The following NAA40 variants were observed in gnomAD, a reference collection of about 807,000 sequenced individuals.
The protein encoded by NAA40 is N-alpha-acetyltransferase 40.
In NAA40, 26 loss-of-function variants were observed where a neutral mutation model predicts 36.6. The observed-to-expected ratio is 0.71, with a 90% CI of 0.52 to 0.98. NAA40 has a LOEUF of 0.98. Ranked by LOEUF, NAA40 falls within the 50% of genes least tolerant of loss-of-function variation. NAA40 has a pLI of 0.00. For missense variants in NAA40, 237 were observed against 306.5 expected, an observed-to-expected ratio of 0.77 and a Z score of 1.69; for synonymous variants, 129 against 108.4, an observed-to-expected ratio of 1.19 and a Z score of -1.18.
intron 3 of NAA40, 94 bp downstream of exon 3, chr11:63,947,097 A>C: frequency 1.3e-4 from 175 of 1,329,042 alleles, no homozygotes; most frequent in Non-Finnish European, 1.8e-4. Context: ...AAATTTTCTC[A>C]TTGTTCTTCG....
At chr11:63,946,639 G>T in intron 2 of NAA40, 1 of 1,357,076 alleles carries the variant, frequency 7.4e-7, no homozygotes, top group Non-Finnish European at 9.6e-7. Flanking sequence ...GTGTGCAGCA[G>T]ATCAGGTAGC....
In NAA40 at chr11:63,957,054, A is replaced by AT. The variant is rs1205009189; in HGVS notation, c.*2582dup. 1 of 151,296 alleles carries AT rather than the reference A, an allele frequency of 6.6e-6. No individual in the cohort carries two copies. Among genetic ancestry groups the AT allele is most frequent in the Admixed American group, 6.6e-5 (1 of 15,188 alleles). The allele number at this position is 151,296 out of a possible 1,614,324, so 9.4% of individuals were successfully genotyped here. ...GTTTGTTTGTTTGGAGCATGTTAAG[A>AT]TTTTTTTAAGATTTTTAAAATTTTA... is the stretch of plus-strand genomic sequence containing the variant. On this transcript the variant is annotated 3_prime_UTR_variant, in exon 8 of 8. Transcript: ENST00000377793.
At chr11:63,952,217 C>T (rs755320588) in intron 3 of NAA40, 21 bp from the exon 4 acceptor site, 2 of 1,578,474 alleles carry the variant, frequency 1.3e-6, no homozygotes, top group Non-Finnish European at 1.7e-6. Context: ...CAATTCCGTA[C>T]ACGTCCTGTC....
At chr11:63,943,922 G>C (rs1942145828) in intron 1 of NAA40, among the ~76,000 whole-genome samples, 1 of 152,238 alleles carries the variant, frequency 6.6e-6, no homozygotes, top group African/African-American at 2.4e-5. Flanking sequence ...GTCCATGGTA[G>C]AGGGAGGCTA....
intron 2 of NAA40, chr11:63,946,565 T>C: frequency 2.5e-6 from 3 of 1,197,644 alleles, no homozygotes; most frequent in East Asian, 5.2e-5. Context: ...TAGTAAACAC[T>C]CATTTATAAG....
At chr11:63,947,651 G>A (rs898417355) in intron 3 of NAA40, among the ~76,000 whole-genome samples, 1 of 150,226 alleles carries the variant, frequency 6.7e-6, no homozygotes, top group Non-Finnish European at 1.5e-5. Context: ...TCTGGGTTCA[G>A]CCGATTCTCC....
At chr11:63,946,848 G>A in intron 2 of NAA40, 103 bp from the exon 3 acceptor site, 2 of 1,605,822 alleles carry the variant, frequency 1.2e-6, no homozygotes, top group South Asian at 1.1e-5. Context: ...GTCTCCCGTT[G>A]TGGGTCCCCA....
chr11:63,946,397 G>A (rs1303219437), intron 2 of NAA40: 1 of 368,844 alleles, frequency 2.7e-6, no homozygotes, highest in Non-Finnish European at 4.1e-6. Context: ...TAGAGACGGG[G>A]TTTGGCCTTG....
intron 1 of NAA40, chr11:63,939,376 T>G: frequency 5.1e-6 from 6 of 1,181,996 alleles, no homozygotes; most frequent in East Asian, 3.9e-5. Flanking sequence ...GTTACTGGCC[T>G]CCCCACCACC....
chr11:63,950,416 G>C (rs1942261127), intron 3 of NAA40, among the ~76,000 whole-genome samples: 1 of 151,950 alleles, frequency 6.6e-6, no homozygotes, highest in Admixed American at 6.6e-5. Context: ...ACTGCGCCCG[G>C]CCTGGAAAGT....
chr11:63,952,865 C>T lies in NAA40; in HGVS notation c.494+26C>T, dbSNP rs767317784. ...GTAAGGCCTCCCTTCTTAGGAGGCC[C>T]ATATAGCACTCAGTTGGAAGGAGCT... On this transcript the variant is annotated intron_variant, in intron 6 of 7. Transcript: ENST00000377793. 5 of 1,587,776 alleles carry T rather than the reference C, an allele frequency of 3.1e-6. No homozygotes were observed. The East Asian group carries it at 1.1e-4, about 35-fold the overall frequency.
intron 1 of NAA40, among the ~76,000 whole-genome samples, chr11:63,943,451 T>C (rs908602372): frequency 1.3e-5 from 2 of 152,288 alleles, no homozygotes; most frequent in East Asian, 1.9e-4. Flanking sequence ...AGAATCTTTG[T>C]TGATGACCAA....
At chr11:63,949,554 C>G (rs59114361) in intron 3 of NAA40, among the ~76,000 whole-genome samples, 1 of 151,942 alleles carries the variant, frequency 6.6e-6, no homozygotes, top group Non-Finnish European at 1.5e-5. Context: ...TATAATCTGC[C>G]TTACCTGAGA....
chr11:63,947,334 G>A (rs962922435), intron 3 of NAA40, among the ~76,000 whole-genome samples: 2 of 152,008 alleles, frequency 1.3e-5, no homozygotes, highest in African/African-American at 4.8e-5. Flanking sequence ...TTGAACCCGG[G>A]GGGCAGAGGT....
chr11:63,947,697 C>G (rs1019054894), intron 3 of NAA40, among the ~76,000 whole-genome samples: 2 of 144,804 alleles, frequency 1.4e-5, no homozygotes, highest in Non-Finnish European at 3.0e-5. Flanking sequence ...ATTATAGGTG[C>G]GTGCCACCAC....
chr11:63,946,394 G>A (rs767610999), intron 2 of NAA40: 27 of 342,626 alleles, frequency 7.9e-5, no homozygotes, highest in Non-Finnish European at 1.0e-4. Flanking sequence ...TTGTAGAGAC[G>A]GGGTTTGGCC....
intron 7 of NAA40, 88 bp downstream of exon 7, chr11:63,954,137 C>G (rs1942325374): frequency 1.4e-6 from 2 of 1,449,848 alleles, no homozygotes; most frequent in East Asian, 2.3e-5. Flanking sequence ...CATTCTGATG[C>G]CTGAGCTCAT....
In NAA40 at chr11:63,953,045, C is replaced by CTTTTTTTTTT. The variant is rs34261976; in HGVS notation, c.494+217_494+226dup. 4.7e-5 allele frequency among the ~76,000 whole-genome samples: 5 copies of CTTTTTTTTTT among 106,852 alleles called. 1 individual carries two copies. The highest frequency in any genetic ancestry group is 7.3e-5 in the African/African-American group (2 of 27,286). The allele number at this position is 106,852 out of a possible 152,430, so 70.1% of individuals were successfully genotyped here. A position where few individuals can be genotyped will look rare whatever the true frequency, so the allele number is the denominator to read the frequency against. On this transcript the variant is annotated intron_variant, in intron 6 of 7. Transcript: ENST00000377793. ...TTGTTTAGCTCAGTGCAGTGAACATCTTTTTTTTTTTTTTTTTTTTGAGAC... is the reference window on the plus strand; with the variant it reads ...TTGTTTAGCTCAGTGCAGTGAACATCTTTTTTTTTTTTTTTTTTTTTTTTTTTTTTGAGAC...
rs544258948 is a variant in NAA40, at chr11:63,939,357, C to T, written c.6+255C>T. 8.8e-6 allele frequency: 11 copies of T among 1,250,214 alleles called. No homozygotes were observed. The South Asian group carries it at 2.7e-4, about 30-fold the overall frequency. The allele number at this position is 1,250,214 out of a possible 1,614,324, so 77.4% of individuals were successfully genotyped here. ...GCGTCACGCCCGCCCCTTCCTGCTT[C>T]GCGGACCCGTTACTGGCCTCCCCAC... On this transcript the variant is annotated intron_variant, in intron 1 of 7. Coordinates refer to ENST00000377793, the MANE Select transcript of NAA40 (RefSeq NM_024771.4).
Sources: gnomAD v4.1 joint callset for allele counts (sites outside exome capture counted in the v4.1 genomes callset) on GRCh38, gnomAD v4.1.1 for gene constraint, MANE v1.5 for transcripts, NCBI Gene and HGNC (gene_info 2026-07-23, HGNC 2026-07-21) for gene names.